Variants in ZNF667 observed in about 807,000 individuals in gnomAD.
ZNF667 encodes zinc finger protein 667.
A neutral mutation model predicts 31.8 loss-of-function variants in ZNF667; 13 were observed. The observed-to-expected ratio is 0.41, with a 90% CI of 0.27 to 0.65. The LOEUF (loss-of-function observed/expected upper bound fraction) is 0.65, where lower values mean the gene tolerates loss of function less well. ZNF667 is among the 30% of genes least tolerant of loss of function. ZNF667 has a pLI of 0.32. For missense variants in ZNF667, 642 were observed against 725.6 expected, an observed-to-expected ratio of 0.88 and a Z score of 1.32; for synonymous variants, 228 against 247.1, an observed-to-expected ratio of 0.92 and a Z score of 0.73.
At position 56,440,996 on chromosome 19, in the gene ZNF667, T is replaced by C; in HGVS notation, c.*166A>G. The C allele has an allele frequency of 7.1e-7, 1 of 1,417,450 alleles. No homozygotes were observed. Among genetic ancestry groups the C allele is most frequent in the Non-Finnish European group, 9.2e-7 (1 of 1,088,308 alleles). 87.8% of individuals were successfully genotyped at this position (1,417,450 alleles called of 1,614,324 possible). A position where few individuals can be genotyped will look rare whatever the true frequency, so the allele number is the denominator to read the frequency against. ...AAACTTCTGAGTTTCCTTCAGTTAA[T>C]TTCAAATCCTGAGGTCAAAATCACC... On this transcript the variant is annotated 3_prime_UTR_variant, in exon 7 of 7. Coordinates refer to ENST00000504904, the MANE Select transcript of ZNF667 (RefSeq NM_001321356.2).
In ZNF667 at chr19:56,458,272, AT is replaced by A. The variant is rs557836419; in HGVS notation, c.161-26del. On this transcript the variant is annotated intron_variant, in intron 5 of 6. Coordinates refer to ENST00000504904, the MANE Select transcript of ZNF667 (RefSeq NM_001321356.2). ...CCTGTACGTGGGACAAACATGGGAA[AT>A]GATCATAAATGTGGGCACCACAGAA... 656 of 1,604,248 alleles carry A rather than the reference AT, an allele frequency of 4.1e-4. 10 individuals are homozygous for A. The South Asian group carries it at 6.9e-3, about 17-fold the overall frequency.
At chr19:56,457,970 C>T (rs1358037365) in intron 6 of ZNF667, among the ~76,000 whole-genome samples, 185 bp downstream of exon 6, 1 of 152,208 alleles carries the variant, frequency 6.6e-6, no homozygotes, top group Non-Finnish European at 1.5e-5. Flanking sequence ...CAAAAAGGTG[C>T]CACCTATGAA....
At position 56,441,536 on chromosome 19, in the gene ZNF667, TGA is replaced by T. The variant is rs1360214577; in HGVS notation, c.1457_1458del (p.Leu486HisfsTer4). 2.5e-6 allele frequency: 4 copies of T among 1,614,212 alleles called. No homozygotes were observed. The highest frequency in any genetic ancestry group is 3.4e-6 in the Non-Finnish European group (4 of 1,180,036). ...TCAGTATGAATTCTCTTATGTCGTG[TGA>T]GAGATATTCGGTGGCTGAAGGCTTT... ...CGKAFSHRIS[L>X]TRHKRIHTED... On this transcript the variant is annotated frameshift_variant, in exon 7 of 7. Transcript: ENST00000504904. LOFTEE classifies it high-confidence loss of function. The surrounding 1 kb of genome is among the most constrained non-coding windows in gnomAD (Gnocchi z 4.2).
intron 3 of ZNF667, among the ~76,000 whole-genome samples, chr19:56,465,858 C>T (rs1489071223): frequency 6.6e-6 from 1 of 152,348 alleles, no homozygotes; most frequent in South Asian, 2.1e-4. Flanking sequence ...CCATTCCCTA[C>T]ACGGATATAA....
Position 56,442,745 on chromosome 19 carries a change from A to G in ZNF667, c.254-4T>C. Reference sequence around the variant, plus strand: ...GTCTCACATTTAGACCCCGAGTCTGAAAGACATAAAGGAATTAAATGTTTC... The same window carrying G: ...GTCTCACATTTAGACCCCGAGTCTGGAAGACATAAAGGAATTAAATGTTTC... On this transcript the variant is annotated splice_region_variant and splice_polypyrimidine_tract_variant and intron_variant, in intron 6 of 6. Coordinates refer to ENST00000504904, the MANE Select transcript of ZNF667 (RefSeq NM_001321356.2). 1 of 1,546,000 alleles carries G rather than the reference A, an allele frequency of 6.5e-7. No individual in the cohort carries two copies. The highest frequency in any genetic ancestry group is 1.2e-5 in the South Asian group (1 of 80,312).
At chr19:56,470,745 C>T (rs1223773107) in intron 3 of ZNF667, among the ~76,000 whole-genome samples, 2 of 152,104 alleles carry the variant, frequency 1.3e-5, no homozygotes, top group Admixed American at 1.3e-4. Flanking sequence ...AGCGAGGGCT[C>T]GGTGACGAAC....
In ZNF667 at chr19:56,441,379, C is replaced by T. The variant is rs764189635; in HGVS notation, c.1616G>A (p.Arg539His). ...TCTTTCATGTAGAATAAGAGATGTG[C>T]GCTGACTAAAGGCCTTACCACATGT... ...CKTCGKAFSQ[R>H]TSLILHERSH... is the part of the protein sequence containing the mutation. The change falls in exon 7 of 7, where the codon CGC (arginine) becomes CAC (histidine). Residue 539 changes from arginine to histidine, a missense_variant. Transcript: ENST00000504904. This position sits in a 1 kb window ranked among gnomAD's most constrained non-coding sequence, Gnocchi z 4.2. The T allele has an allele frequency of 2.8e-5, 45 of 1,613,940 alleles. No individual in the cohort carries two copies. Among genetic ancestry groups the T allele is most frequent in the South Asian group, 6.6e-5 (6 of 91,082 alleles).
intron 6 of ZNF667, among the ~76,000 whole-genome samples, chr19:56,451,997 T>C (rs1181926447): frequency 2.0e-5 from 3 of 150,716 alleles, no homozygotes; most frequent in African/African-American, 4.9e-5. Context: ...TACCAACACA[T>C]TGAAATTAAA....
Position 56,462,323 on chromosome 19 carries a change from G to A in ZNF667, c.33+15C>T. 3 of 1,614,196 alleles carry A rather than the reference G, an allele frequency of 1.9e-6. No individual in the cohort carries two copies. The highest frequency in any genetic ancestry group is 2.2e-5 in the East Asian group (1 of 44,882). On this transcript the variant is annotated intron_variant, in intron 4 of 6. Coordinates refer to ENST00000504904, the MANE Select transcript of ZNF667 (RefSeq NM_001321356.2). ...ACGATGGGGTGTTCCGGAAGGAAGA[G>A]GAATTGCCACTTACCTTGGATTTGG...
rs762145198 is a variant in ZNF667 at position 56,441,387 on chromosome 19, A to G, written c.1608T>C (p.Phe536=). 6.2e-7 allele frequency: 1 copy of G among 1,614,168 alleles called. No individual in the cohort carries two copies. The highest frequency in any genetic ancestry group is 8.5e-7 in the Non-Finnish European group (1 of 1,180,036). Residue 536 remains phenylalanine, a synonymous_variant, in exon 7 of 7, where the codon TTT becomes TTC. Transcript: ENST00000504904. The surrounding 1 kb of genome is among the most constrained non-coding windows in gnomAD (Gnocchi z 4.2). ...PYTCKTCGKA[F]SQRTSLILHE... is the part of the protein sequence containing the mutation. ...GTAGAATAAGAGATGTGCGCTGACT[A>G]AAGGCCTTACCACATGTTTTGCATG... is the stretch of plus-strand genomic sequence containing the variant.
At chr19:56,471,463 C>G (rs761318064) in intron 3 of ZNF667, among the ~76,000 whole-genome samples, 8 of 152,156 alleles carry the variant, frequency 5.3e-5, no homozygotes, top group Non-Finnish European at 1.0e-4. Flanking sequence ...TGCTGCAGGG[C>G]CTTTGAGAAC....
upstream of ZNF667, chr19:56,477,589 C>CA (rs1263490088): frequency 2.0e-5 from 3 of 152,568 alleles, no homozygotes; most frequent in Non-Finnish European, 4.4e-5. Context: ...GGCTGGCACG[C>CA]ACACCGGTCT....
At chr19:56,446,010 A>C (rs2042702181) in intron 6 of ZNF667, among the ~76,000 whole-genome samples, 1 of 152,214 alleles carries the variant, frequency 6.6e-6, no homozygotes. Context: ...TTAAATTTCA[A>C]CATGAGATTT....
At chr19:56,464,624 C>CTT (rs2043120588) in intron 3 of ZNF667, among the ~76,000 whole-genome samples, 1 of 152,222 alleles carries the variant, frequency 6.6e-6, no homozygotes, top group Non-Finnish European at 1.5e-5. Context: ...AGTGCTGCCA[C>CTT]ATGCTCTCTT....
rs61740676 is a variant in ZNF667, at chr19:56,442,142, T to C, written c.853A>G (p.Lys285Glu). Residue 285 changes from lysine (K) to glutamate (E), a missense_variant, in exon 7 of 7, where the codon AAA becomes GAA. Transcript: ENST00000504904. ...TTCTTTTTGAAGCCTCTCCCACATT[T>C]ATTATATTTATGTGTTTTCTTTCCA... The part of the protein sequence containing the change: ...HNGKKTHKYN[K>E]CGRGFKKKSV... 1.1e-3 allele frequency: 1,795 copies of C among 1,613,286 alleles called. 11 individuals carry two copies. The highest frequency in any genetic ancestry group is 7.5e-3 in the South Asian group (683 of 90,932).
At chr19:56,452,470 A>T (rs2042851473) in intron 6 of ZNF667, among the ~76,000 whole-genome samples, 2 of 152,246 alleles carry the variant, frequency 1.3e-5, no homozygotes, top group African/African-American at 4.8e-5. Flanking sequence ...GAGAGTTTGT[A>T]ACAATAAACG....
At chr19:56,473,795 G>GA (rs1268553449) in intron 2 of ZNF667, among the ~76,000 whole-genome samples, 3 of 151,984 alleles carry the variant, frequency 2.0e-5, no homozygotes, top group Admixed American at 6.6e-5. Flanking sequence ...AAGTCATTTA[G>GA]AAAAAAACAA....
chr19:56,453,375 C>T (rs866037029), intron 6 of ZNF667, among the ~76,000 whole-genome samples: 2 of 152,012 alleles, frequency 1.3e-5, no homozygotes, highest in South Asian at 2.1e-4. Flanking sequence ...TTCTACAAGG[C>T]CAGTATTACC....
At chr19:56,460,653 G>C (rs2147778708) in intron 5 of ZNF667, 36 bp downstream of exon 5, 9 of 1,590,954 alleles carry the variant, frequency 5.7e-6, no homozygotes, top group Non-Finnish European at 7.7e-6. Flanking sequence ...TCCCTCAATA[G>C]GCTGGTTCTG....
Sources: allele counts gnomAD v4.1 joint callset (sites outside exome capture counted in the v4.1 genomes callset), GRCh38; gene constraint gnomAD v4.1.1; non-coding constraint Gnocchi (gnomAD v3.1); transcripts MANE v1.5; gene names NCBI Gene and HGNC (gene_info 2026-07-23, HGNC 2026-07-21).